DEGS1: variants seen among roughly 807,000 people sequenced by gnomAD.
The protein encoded by DEGS1 is sphingolipid delta(4)-desaturase DES1.
A neutral mutation model predicts 24.1 loss-of-function variants in DEGS1; 17 were observed. The observed-to-expected ratio is 0.70, with a 90% CI of 0.48 to 1.06. The LOEUF (loss-of-function observed/expected upper bound fraction) is 1.06, where lower values mean the gene tolerates loss of function less well. DEGS1 is among the 50% of genes least tolerant of loss of function. DEGS1 has a pLI of 0.00. For missense variants in DEGS1, 366 were observed against 408.9 expected (o/e 0.90, Z 0.91); for synonymous variants, 134 against 140.0 (o/e 0.96, Z 0.30).
intron 1 of DEGS1, chr1:224,183,668 G>C: frequency 3.2e-6 from 1 of 312,898 alleles, no homozygotes; most frequent in Non-Finnish European, 5.8e-6. Flanking sequence ...GCGCAGGCGC[G>C]TCCCCGAGCG....
chr1:224,186,630 G>A lies in DEGS1; in HGVS notation c.83-2947G>A, dbSNP rs561497334. Among the ~76,000 whole-genome samples, 11 of 150,168 alleles carry A rather than the reference G, an allele frequency of 7.3e-5. No homozygotes were observed. The East Asian group carries it at 2.0e-3, about 28-fold the overall frequency. On this transcript the variant is annotated intron_variant, in intron 1 of 2. Coordinates refer to ENST00000323699, the MANE Select transcript of DEGS1 (RefSeq NM_003676.4). ...CAGGAGGCCGAGGCAGGAGAATGGC[G>A]TGAACCCGGGAGGCAGAGCTTGCAG... is the stretch of plus-strand genomic sequence containing the variant.
chr1:224,191,988 T>C (rs1245177912), intron 2 of DEGS1, among the ~76,000 whole-genome samples: 2 of 152,202 alleles, frequency 1.3e-5, no homozygotes, highest in Non-Finnish European at 2.9e-5. Context: ...CTTTATATTC[T>C]ATGGCGTCAT....
chr1:224,189,739 A>G lies in DEGS1; in HGVS notation c.245A>G (p.His82Arg). Residue 82 changes from histidine to arginine, a missense_variant, in exon 2 of 3, where the codon CAC becomes CGC. His to Arg is a conservative substitution (Grantham distance 29). Transcript: ENST00000323699. ...TATGCGTTTGGCAGTTGCATTAACC[A>G]CTCAATGACTCTGGCTATTCATGAG... is the stretch of plus-strand genomic sequence containing the variant. ...GAYAFGSCINHSMTLAIHEIA... is the reference protein window; with the variant it reads ...GAYAFGSCINRSMTLAIHEIA... The G allele has an allele frequency of 1.2e-6, 2 of 1,614,142 alleles. No individual in the cohort carries two copies. Among genetic ancestry groups the G allele is most frequent in the Non-Finnish European group, 1.7e-6 (2 of 1,180,030 alleles).
intron 2 of DEGS1, 24 bp from the exon 3 acceptor site, chr1:224,192,308 C>G: frequency 6.3e-7 from 1 of 1,595,956 alleles, no homozygotes; most frequent in Non-Finnish European, 8.5e-7. Flanking sequence ...CATTTTTCAT[C>G]TTGCTGTATT....
chr1:224,185,776 G>A (rs1427294400), intron 1 of DEGS1, among the ~76,000 whole-genome samples: 1 of 152,176 alleles, frequency 6.6e-6, no homozygotes, highest in Admixed American at 6.6e-5. Flanking sequence ...TTACAGGCGT[G>A]AGCCACCCTG....
In DEGS1 at chr1:224,193,433, C is replaced by CCATT. The variant is rs1373164995; in HGVS notation, c.*958_*961dup. 1 of 152,194 alleles carries CCATT rather than the reference C, an allele frequency of 6.6e-6. No individual in the cohort carries two copies. Among genetic ancestry groups the CCATT allele is most frequent in the African/African-American group, 2.4e-5 (1 of 41,440 alleles). The allele number at this position is 152,194 out of a possible 1,614,324, so 9.4% of individuals were successfully genotyped here. ...AAATAAAGTACTTACTGAATTTCCA[C>CCATT]CATTCAAATTCATTTTTCAGGTGTG... On this transcript the variant is annotated 3_prime_UTR_variant, in exon 3 of 3. Coordinates refer to ENST00000323699, the MANE Select transcript of DEGS1 (RefSeq NM_003676.4).
At chr1:224,183,511 C>T (rs541271354) in intron 1 of DEGS1, 93 bp downstream of exon 1, 17 of 1,012,990 alleles carry the variant, frequency 1.7e-5, no homozygotes, top group Admixed American at 4.4e-5. Flanking sequence ...GTCGTGGGCG[C>T]CGGAGGCCCG....
At chr1:224,190,515 G>A (rs1040376099) in intron 2 of DEGS1, among the ~76,000 whole-genome samples, 196 bp downstream of exon 2, 11 of 150,468 alleles carry the variant, frequency 7.3e-5, no homozygotes, top group African/African-American at 1.5e-4. Context: ...ATGCTACCAC[G>A]CCCAGCTAAT....
At chr1:224,183,569 C>G (rs1658292825) in intron 1 of DEGS1, 151 bp downstream of exon 1, 2 of 517,592 alleles carry the variant, frequency 3.9e-6, no homozygotes, top group Non-Finnish European at 5.8e-6. Flanking sequence ...GGGCCGCCAG[C>G]CCGCGGGTCA....
chr1:224,183,311 C>T lies in DEGS1; in HGVS notation c.-26C>T. 1 of 1,477,480 alleles carries T rather than the reference C, an allele frequency of 6.8e-7. No homozygotes were observed. The highest frequency in any genetic ancestry group is 1.3e-5 in the South Asian group (1 of 76,580). The allele number at this position is 1,477,480 out of a possible 1,614,324, so 91.5% of individuals were successfully genotyped here. A position where few individuals can be genotyped will look rare whatever the true frequency, so the allele number is the denominator to read the frequency against. ...GCCGGCTGGGAGCGAGAGCCGACAG[C>T]TAGTCTGCAAGCCACCGCTGTCGCC... On this transcript the variant is annotated 5_prime_UTR_variant, in exon 1 of 3. Coordinates refer to ENST00000323699, the MANE Select transcript of DEGS1 (RefSeq NM_003676.4).
Position 224,190,036 on chromosome 1 carries a change from C to A in DEGS1, c.542C>A (p.Pro181Gln), listed in dbSNP as rs769947282. ...AFRPLFINPKPITYLEVINTV... is the reference protein window; with the variant it reads ...AFRPLFINPKQITYLEVINTV... Reference sequence around the variant, plus strand: ...CGACCTCTGTTCATCAACCCCAAACCAATTACGTATCTGGAAGTTATCAAT... The same window carrying A: ...CGACCTCTGTTCATCAACCCCAAACAAATTACGTATCTGGAAGTTATCAAT... The change falls in exon 2 of 3, where the codon CCA becomes CAA. Residue 181 changes from proline to glutamine, a missense_variant. Pro to Gln is a moderately conservative substitution (Grantham distance 76). Transcript: ENST00000323699. 6 of 1,614,222 alleles carry A rather than the reference C, an allele frequency of 3.7e-6. No individual in the cohort carries two copies. Among genetic ancestry groups the A allele is most frequent in the Non-Finnish European group, 5.1e-6 (6 of 1,180,044 alleles).
At chr1:224,191,808 G>A (rs1430255060) in intron 2 of DEGS1, among the ~76,000 whole-genome samples, 1 of 151,866 alleles carries the variant, frequency 6.6e-6, no homozygotes, top group Non-Finnish European at 1.5e-5. Flanking sequence ...TATTGGTTAG[G>A]CTGGTCTCGA....
chr1:224,188,845 T>G (rs1658460363), intron 1 of DEGS1, among the ~76,000 whole-genome samples: 1 of 152,208 alleles, frequency 6.6e-6, no homozygotes, highest in South Asian at 2.1e-4. Context: ...TTTCTCTGTT[T>G]TCTTTTGTCA....
Position 224,183,351 on chromosome 1 carries a change from C to T in DEGS1, c.15C>T (p.Val5=). Residue 5 remains valine (V), a synonymous_variant, in exon 1 of 3, where the codon GTC becomes GTT. Transcript: ENST00000323699. MGSR[V]SREDFEWVYT... is the part of the protein sequence containing the mutation. Reference sequence around the variant, plus strand: ...CCGCTGTCGCCATGGGGAGCCGCGTCTCGCGGGAAGACTTCGAGTGGGTCT... The same window carrying T: ...CCGCTGTCGCCATGGGGAGCCGCGTTTCGCGGGAAGACTTCGAGTGGGTCT... The T allele has an allele frequency of 6.8e-7, 1 of 1,479,952 alleles. No homozygotes were observed. Among genetic ancestry groups the T allele is most frequent in the Non-Finnish European group, 9.0e-7 (1 of 1,113,274 alleles). The allele number at this position is 1,479,952 out of a possible 1,614,324, so 91.7% of individuals were successfully genotyped here. A position where few individuals can be genotyped will look rare whatever the true frequency, so the allele number is the denominator to read the frequency against.
intron 1 of DEGS1, among the ~76,000 whole-genome samples, chr1:224,187,556 G>C (rs1658427892): frequency 6.6e-6 from 1 of 151,926 alleles, no homozygotes; most frequent in Non-Finnish European, 1.5e-5. Flanking sequence ...AATAGAATCT[G>C]TTTGCCCAGG....
Position 224,192,460 on chromosome 1 carries a change from A to T in DEGS1, c.954A>T (p.Gly318=). Residue 318 remains glycine (G), a synonymous_variant, in exon 3 of 3, where the codon GGA becomes GGT. Transcript: ENST00000323699. ...CAAGAATGAAGAGGCACCAAAAAGG[A>T]GAGATGGTGCTGGAGTAAATATCAT... ...PYSRMKRHQK[G]EMVLE 6.2e-7 allele frequency: 1 copy of T among 1,611,920 alleles called. No homozygotes were observed. Among genetic ancestry groups the T allele is most frequent in the Non-Finnish European group, 8.5e-7 (1 of 1,179,372 alleles).
At position 224,183,256 on chromosome 1, in the gene DEGS1, A is replaced by AGCCGCC. The variant is rs531583910; in HGVS notation, c.-68_-63dup. On this transcript the variant is annotated 5_prime_UTR_variant, in exon 1 of 3. Transcript: ENST00000323699. ...CCGGCCGACACCACACCAGCCGGGG[A>AGCCGCC]GCCGCCGCCGCCGCCGCCACCTCTG... 9.2e-5 allele frequency: 119 copies of AGCCGCC among 1,295,868 alleles called. No homozygotes were observed. Among genetic ancestry groups the AGCCGCC allele is most frequent in the Middle Eastern group, 2.6e-4 (1 of 3,876 alleles). The allele number at this position is 1,295,868 out of a possible 1,614,324, so 80.3% of individuals were successfully genotyped here. A position where few individuals can be genotyped will look rare whatever the true frequency, so the allele number is the denominator to read the frequency against.
chr1:224,192,544 T>C lies in DEGS1; in HGVS notation c.*66T>C. 6.6e-7 allele frequency: 1 copy of C among 1,512,100 alleles called. No individual in the cohort carries two copies. The highest frequency in any genetic ancestry group is 1.2e-5 in the South Asian group (1 of 81,156). The allele number at this position is 1,512,100 out of a possible 1,614,324, so 93.7% of individuals were successfully genotyped here. A position where few individuals can be genotyped will look rare whatever the true frequency, so the allele number is the denominator to read the frequency against. On this transcript the variant is annotated 3_prime_UTR_variant, in exon 3 of 3. Transcript: ENST00000323699. ...ATGATAAAATGGAATTTTTGCATTA[T>C]TAAACTTGAGACCAGTGATGCTCAG...
In DEGS1 at chr1:224,190,014, C is replaced by A; in HGVS notation, c.520C>A (p.Pro174Thr). Residue 174 changes from proline (P) to threonine (T), a missense_variant, in exon 2 of 3, where the codon CCT becomes ACT. Coordinates refer to ENST00000323699, the MANE Select transcript of DEGS1 (RefSeq NM_003676.4). ...TCAGCCTCTCTTTTATGCCTTTCGA[C>A]CTCTGTTCATCAACCCCAAACCAAT... ...ILQPLFYAFRPLFINPKPITY... is the reference protein window; with the variant it reads ...ILQPLFYAFRTLFINPKPITY... The A allele has an allele frequency of 6.2e-7, 1 of 1,614,184 alleles. No individual in the cohort carries two copies. The highest frequency in any genetic ancestry group is 8.5e-7 in the Non-Finnish European group (1 of 1,180,038).
Sources: allele counts gnomAD v4.1 joint callset (sites outside exome capture counted in the v4.1 genomes callset), GRCh38; gene constraint gnomAD v4.1.1; transcripts MANE v1.5; gene names NCBI Gene and HGNC (gene_info 2026-07-23, HGNC 2026-07-21).